The following NDUFAF7 variants were observed in gnomAD, a reference collection of about 807,000 sequenced individuals.
NDUFAF7 encodes the protein protein arginine methyltransferase NDUFAF7, mitochondrial.
Under a neutral mutation model 47.2 loss-of-function variants are expected in NDUFAF7, and 48 were observed. That is an observed-to-expected ratio of 1.02 (90% CI 0.81 to 1.29). NDUFAF7 has a LOEUF of 1.29. NDUFAF7 is among the 50% of genes most tolerant of loss of function. The pLI is 0.00. For synonymous variants in NDUFAF7, 217 were observed against 190.0 expected (o/e 1.14, Z -1.17); for missense variants, 635 against 537.6 (o/e 1.18, Z -1.79).
At chr2:37,244,011 C>G in intron 7 of NDUFAF7, 38 bp downstream of exon 7, 1 of 1,468,112 alleles carries the variant, frequency 6.8e-7, no homozygotes, top group Non-Finnish European at 9.5e-7. Flanking sequence ...TTATTGCTCA[C>G]AGAATCTTCA....
intron 7 of NDUFAF7, among the ~76,000 whole-genome samples, chr2:37,245,220 G>T (rs1051257499): frequency 1.3e-5 from 2 of 152,192 alleles, no homozygotes; most frequent in African/African-American, 4.8e-5. Flanking sequence ...AACTTCATCT[G>T]ACTCTATGCC....
At chr2:37,242,526 TG>T in intron 5 of NDUFAF7, 108 bp from the exon 6 acceptor site, 2 of 780,498 alleles carry the variant, frequency 2.6e-6, no homozygotes, top group Non-Finnish European at 2.2e-6. Flanking sequence ...GATAATTCTG[TG>T]GTAGTGATGA....
Position 37,248,398 on chromosome 2 carries a change from A to G in NDUFAF7, c.*48A>G, listed in dbSNP as rs1397590484. The stretch of plus-strand genomic sequence containing the variant: ...CCTTCAGTCGGCCCAAGAAATCAAA[A>G]TAAAGGAAACACATTTCATATACTG... On this transcript the variant is annotated 3_prime_UTR_variant, in exon 10 of 10. Coordinates refer to ENST00000002125, the MANE Select transcript of NDUFAF7 (RefSeq NM_144736.5). 3 of 1,546,106 alleles carry G rather than the reference A, an allele frequency of 1.9e-6. No homozygotes were observed. The highest frequency in any genetic ancestry group is 1.8e-6 in the Non-Finnish European group (2 of 1,118,558).
intron 8 of NDUFAF7, among the ~76,000 whole-genome samples, chr2:37,246,698 A>G (rs549032149): frequency 6.6e-6 from 1 of 152,238 alleles, no homozygotes; most frequent in East Asian, 1.9e-4. Flanking sequence ...ATATACTTTA[A>G]TTGAAAAACA....
the NDUFAF7 span, chr2:37,269,057 T>G: frequency 4.5e-5 from 7 of 154,276 alleles, no homozygotes; most frequent in African/African-American, 1.4e-4. Flanking sequence ...CTTAGTACCT[T>G]TACATATATT....
At chr2:37,238,918 A>C (rs1471399009) in intron 4 of NDUFAF7, among the ~76,000 whole-genome samples, 2 of 151,884 alleles carry the variant, frequency 1.3e-5, no homozygotes, top group Non-Finnish European at 2.9e-5. Flanking sequence ...AAAAAAAAAA[A>C]AAAAGATTAG....
intron 4 of NDUFAF7, among the ~76,000 whole-genome samples, chr2:37,241,303 T>C (rs1666307140): frequency 6.6e-6 from 1 of 152,220 alleles, no homozygotes; most frequent in Non-Finnish European, 1.5e-5. Flanking sequence ...TCTGAATCAT[T>C]GTTTTTATCA....
intron 7 of NDUFAF7, among the ~76,000 whole-genome samples, chr2:37,245,237 C>T (rs961239056): frequency 1.3e-5 from 2 of 152,152 alleles, no homozygotes; most frequent in Non-Finnish European, 2.9e-5. Flanking sequence ...TGCCTGTTAC[C>T]ATAGGCAGAC....
chr2:37,260,522 C>T, the NDUFAF7 span: 2 of 815,786 alleles, frequency 2.5e-6, no homozygotes, highest in Non-Finnish European at 3.9e-6. Flanking sequence ...ATAAAAATTA[C>T]AATCAATGAA....
chr2:37,233,326 G>C (rs1254723725), intron 2 of NDUFAF7, among the ~76,000 whole-genome samples: 1 of 152,216 alleles, frequency 6.6e-6, no homozygotes, highest in African/African-American at 2.4e-5. Context: ...TAGGCAATTC[G>C]CTGTAAGAGT....
At chr2:37,236,515 A>G (rs1207446229) in intron 3 of NDUFAF7, among the ~76,000 whole-genome samples, 1 of 152,006 alleles carries the variant, frequency 6.6e-6, no homozygotes, top group African/African-American at 2.4e-5. Flanking sequence ...AGTGGCTCAC[A>G]CCTGTAATCC....
the NDUFAF7 span, chr2:37,260,232 C>G: frequency 6.2e-7 from 1 of 1,608,616 alleles, no homozygotes. Context: ...CCTGTGTGAC[C>G]ATGAATTTAG....
At chr2:37,238,390 T>C (rs184663735) in intron 4 of NDUFAF7, among the ~76,000 whole-genome samples, 5 of 152,096 alleles carry the variant, frequency 3.3e-5, no homozygotes, top group Non-Finnish European at 5.9e-5. Context: ...CAGTGATTGA[T>C]TGCAGAGCTG....
At chr2:37,261,519 G>A in the NDUFAF7 span, among the ~76,000 whole-genome samples, 2 of 151,906 alleles carry the variant, frequency 1.3e-5, no homozygotes, top group Admixed American at 1.3e-4. Flanking sequence ...GGTGGCTCAC[G>A]CCTGTAATCC....
At chr2:37,239,967 T>A (rs1303998669) in intron 4 of NDUFAF7, among the ~76,000 whole-genome samples, 1 of 152,200 alleles carries the variant, frequency 6.6e-6, no homozygotes, top group Non-Finnish European at 1.5e-5. Flanking sequence ...CTCTCTTGTA[T>A]CATTGTTTCT....
chr2:37,267,223 A>G, the NDUFAF7 span, among the ~76,000 whole-genome samples: 1 of 152,170 alleles, frequency 6.6e-6, no homozygotes, highest in African/African-American at 2.4e-5. Flanking sequence ...TGAATTAAGA[A>G]TGAAATTTTA....
At chr2:37,268,253 G>A in the NDUFAF7 span, 2 of 462,812 alleles carry the variant, frequency 4.3e-6, no homozygotes, top group African/African-American at 4.0e-5. Flanking sequence ...AAGTCTACTT[G>A]AAAAGACTGA....
intron 3 of NDUFAF7, among the ~76,000 whole-genome samples, chr2:37,236,996 G>T (rs960001637): frequency 5.3e-5 from 8 of 152,072 alleles, no homozygotes; most frequent in Non-Finnish European, 8.8e-5. Context: ...TTGAGCCAGG[G>T]TTTTGCTCTT....
downstream of NDUFAF7, chr2:37,252,950 TA>T: frequency 8.4e-6 from 3 of 359,076 alleles, no homozygotes; most frequent in East Asian, 4.3e-5. Context: ...TTGCTTAGGC[TA>T]AAAAAGTTTA....
Sources: allele counts gnomAD v4.1 joint callset (sites outside exome capture counted in the v4.1 genomes callset), GRCh38; gene constraint gnomAD v4.1.1; transcripts MANE v1.5; gene names NCBI Gene and HGNC (gene_info 2026-07-23, HGNC 2026-07-21).